The following ZNF487 variants were observed in gnomAD, a reference collection of about 807,000 sequenced individuals.
The protein encoded by ZNF487 is KRAB domain only 1.
In ZNF487, 4 loss-of-function variants were observed where a neutral mutation model predicts 3.0. That is an observed-to-expected ratio of 1.35 (90% CI 0.66 to 3.08). ZNF487 has a LOEUF of 3.08. ZNF487 is among the 30% of genes most tolerant of loss of function. The pLI, the probability that ZNF487 is intolerant of heterozygous loss-of-function variation, is 0.01. For synonymous variants in ZNF487, 55 were observed against 34.6 expected (o/e 1.59, Z -2.06); for missense variants, 146 against 98.7 (o/e 1.48, Z -2.03).
chr10:43,496,204 G>A, the ZNF487 span: 27 of 427,570 alleles, frequency 6.3e-5, no homozygotes, highest in Admixed American at 2.4e-4. Context: ...GTTGATATAC[G>A]TGATCCTTTA....
chr10:43,472,998 T>C (rs1840957406), intron 1 of ZNF487, among the ~76,000 whole-genome samples: 1 of 149,498 alleles, frequency 6.7e-6, no homozygotes, highest in Non-Finnish European at 1.5e-5. Flanking sequence ...GTGAGCCATG[T>C]TTGTGCCACT....
chr10:43,449,404 G>A (rs1047862598), intron 1 of ZNF487, among the ~76,000 whole-genome samples: 8 of 152,108 alleles, frequency 5.3e-5, no homozygotes, highest in Admixed American at 1.3e-4. Flanking sequence ...AAATGGACTG[G>A]ATGTTGAAGC....
At chr10:43,459,138 T>A (rs1840326534) in intron 1 of ZNF487, among the ~76,000 whole-genome samples, 1 of 152,150 alleles carries the variant, frequency 6.6e-6, no homozygotes. Context: ...CCTTCCTCTG[T>A]AATTATTTCT....
chr10:43,454,746 T>C (rs1210702634), intron 1 of ZNF487: 1 of 152,084 alleles, frequency 6.6e-6, no homozygotes, highest in Non-Finnish European at 1.5e-5. Flanking sequence ...AAACAAAATC[T>C]ATCTTATTCG....
At chr10:43,489,268 T>C in the ZNF487 span, among the ~76,000 whole-genome samples, 2 of 152,192 alleles carry the variant, frequency 1.3e-5, no homozygotes, top group Admixed American at 6.5e-5. Context: ...CTGGCCAACA[T>C]AGAAAGACTC....
the ZNF487 span, among the ~76,000 whole-genome samples, chr10:43,520,100 C>T: frequency 6.6e-6 from 1 of 152,254 alleles, no homozygotes. Context: ...CTGCATTATT[C>T]ATGTACACAA....
At chr10:43,446,680 G>A (rs1326773085) in intron 1 of ZNF487, among the ~76,000 whole-genome samples, 1 of 150,934 alleles carries the variant, frequency 6.6e-6, no homozygotes, top group African/African-American at 2.5e-5. Flanking sequence ...CGGGATGACG[G>A]CCGGGAAGAG....
the ZNF487 span, among the ~76,000 whole-genome samples, chr10:43,518,707 G>A: frequency 6.6e-6 from 1 of 152,234 alleles, no homozygotes; most frequent in South Asian, 2.1e-4. Flanking sequence ...GATGGATGGC[G>A]ATTCCCAGGG....
intron 1 of ZNF487, among the ~76,000 whole-genome samples, chr10:43,462,946 T>G (rs1265569939): frequency 1.3e-5 from 2 of 151,966 alleles, no homozygotes; most frequent in South Asian, 4.1e-4. Context: ...ATTAAAAAAT[T>G]TTTTTTGGCC....
At chr10:43,471,703 ATCTCTCTGAAGTCAAATTGTC>A (rs1321352001) in intron 1 of ZNF487, among the ~76,000 whole-genome samples, 2 of 152,160 alleles carry the variant, frequency 1.3e-5, no homozygotes, top group African/African-American at 2.4e-5. Context: ...AAGTCAAGCC[ATCTCTCTGAAGTCAAATTGTC>A]TCTCTCTGAA....
chr10:43,499,130 AATGAACAAATGCTAAAATAAGCAAAAC>A, the ZNF487 span, among the ~76,000 whole-genome samples: 8 of 152,234 alleles, frequency 5.3e-5, no homozygotes, highest in Non-Finnish European at 1.2e-4. Flanking sequence ...GGTAAAATTT[AATGAACAAATGCTAAAATAAGCAAAAC>A]ACTATCACTT....
intron 2 of ZNF487, 104 bp from the exon 3 acceptor site, chr10:43,476,003 G>A (rs1841087460): frequency 3.0e-6 from 2 of 674,254 alleles, no homozygotes; most frequent in African/African-American, 1.8e-5. Context: ...AATATCTGTG[G>A]TGTTTTCTGT....
At chr10:43,510,180 G>A in the ZNF487 span, among the ~76,000 whole-genome samples, 1 of 152,182 alleles carries the variant, frequency 6.6e-6, no homozygotes, top group Non-Finnish European at 1.5e-5. Flanking sequence ...GAGGAAATAT[G>A]ACAATTACAG....
At chr10:43,494,012 C>T in the ZNF487 span, among the ~76,000 whole-genome samples, 1 of 144,064 alleles carries the variant, frequency 6.9e-6, no homozygotes, top group Admixed American at 7.1e-5. Flanking sequence ...GCTTAGGCGG[C>T]AGAACAAGAC....
intron 1 of ZNF487, among the ~76,000 whole-genome samples, chr10:43,448,271 G>A (rs1451384770): frequency 6.6e-6 from 1 of 151,862 alleles, no homozygotes; most frequent in African/African-American, 2.4e-5. Context: ...TTACAGGCGT[G>A]AGCCACCATG....
At chr10:43,463,732 A>G (rs1392923107) in intron 1 of ZNF487, among the ~76,000 whole-genome samples, 1 of 135,218 alleles carries the variant, frequency 7.4e-6, no homozygotes, top group African/African-American at 2.7e-5. Flanking sequence ...TTTTTTTAGC[A>G]TGTGCTCATG....
Position 43,481,695 on chromosome 10 carries a change from C to T in ZNF487, c.397C>T (p.Arg133Cys), listed in dbSNP as rs751103348. Residue 133 changes from arginine (R) to cysteine (C), a missense_variant, in exon 4 of 4, where the codon CGT becomes TGT. Transcript: ENST00000437590. ...FVRNPAECNV[R>C]GKFLLCMKRE... is the part of the protein sequence containing the mutation. ...AAGGAACCCTGCTGAGTGTAATGTA[C>T]GTGGGAAATTTCTCCTCTGTATGAA... 201 of 711,602 alleles carry T rather than the reference C, an allele frequency of 2.8e-4. No individual in the cohort carries two copies. Among genetic ancestry groups the T allele is most frequent in the Non-Finnish European group, 4.7e-4 (181 of 382,814 alleles). 44.1% of individuals were successfully genotyped at this position (711,602 alleles called of 1,614,324 possible). A position where few individuals can be genotyped will look rare whatever the true frequency, so the allele number is the denominator to read the frequency against.
At chr10:43,507,874 T>C in the ZNF487 span, among the ~76,000 whole-genome samples, 1 of 152,224 alleles carries the variant, frequency 6.6e-6, no homozygotes, top group Admixed American at 6.5e-5. Flanking sequence ...GTGACTGAAA[T>C]GGAAAGCTGC....
intron 3 of ZNF487, among the ~76,000 whole-genome samples, chr10:43,478,564 A>T (rs1841189833): frequency 1.3e-5 from 2 of 149,614 alleles, no homozygotes; most frequent in Non-Finnish European, 3.0e-5. Flanking sequence ...AAAAATAAAT[A>T]AAAAAAAAAT....
Sources: gnomAD v4.1 joint callset for allele counts (sites outside exome capture counted in the v4.1 genomes callset) on GRCh38, gnomAD v4.1.1 for gene constraint, MANE v1.5 for transcripts, NCBI Gene and HGNC (gene_info 2026-07-23, HGNC 2026-07-21) for gene names.